The following KPNB1 variants were observed in gnomAD, a reference collection of about 807,000 sequenced individuals.
KPNB1 encodes importin subunit beta-1.
Under a neutral mutation model 113.0 loss-of-function variants are expected in KPNB1, and 7 were observed. That is an observed-to-expected ratio of 0.06 (90% confidence interval 0.04 to 0.12). The LOEUF is 0.12. Ranked by LOEUF, KPNB1 falls within the 10% of genes least tolerant of loss-of-function variation. The pLI, the probability that KPNB1 is intolerant of heterozygous loss-of-function variation, is 1.00. For missense variants in KPNB1, 400 were observed against 1,054.8 expected, an observed-to-expected ratio of 0.38 and a Z score of 8.60; for synonymous variants, 363 against 378.6, an observed-to-expected ratio of 0.96 and a Z score of 0.48.
intron 9 of KPNB1, among the ~76,000 whole-genome samples, chr17:47,667,847 C>T (rs543162606): frequency 5.9e-5 from 9 of 152,086 alleles, no homozygotes; most frequent in Admixed American, 1.3e-4. Flanking sequence ...CATGAGCCAC[C>T]GCGCCTGGCC....
chr17:47,664,521 C>T (rs1258583606), intron 8 of KPNB1, among the ~76,000 whole-genome samples: 3 of 152,116 alleles, frequency 2.0e-5, no homozygotes, highest in African/African-American at 7.2e-5. Context: ...CACAAGGGGG[C>T]AGCAGGCTGT....
rs775670592 is a variant in KPNB1 at position 47,658,672 on chromosome 17, G to C, written c.636+12G>C. 78 of 1,609,980 alleles carry C rather than the reference G, an allele frequency of 4.8e-5. No individual in the cohort carries two copies. The highest frequency in any genetic ancestry group is 2.5e-6 in the Non-Finnish European group (3 of 1,178,106). Reference sequence around the variant, plus strand: ...ACTTTGATAAAGAGGTAAGTTTTTTGACAATAAGGTATAGATTCAGACAGT... The same window carrying C: ...ACTTTGATAAAGAGGTAAGTTTTTTCACAATAAGGTATAGATTCAGACAGT... On this transcript the variant is annotated intron_variant, in intron 5 of 21. Coordinates refer to ENST00000290158, the MANE Select transcript of KPNB1 (RefSeq NM_002265.6).
chr17:47,663,862 G>A (rs1278691741), intron 7 of KPNB1, among the ~76,000 whole-genome samples: 2 of 151,952 alleles, frequency 1.3e-5, no homozygotes, highest in African/African-American at 2.4e-5. Flanking sequence ...GCATGCACTT[G>A]TGGTCCCACC....
In KPNB1 at chr17:47,672,960, A is replaced by G. The variant is rs780574753; in HGVS notation, c.1548-58A>G. The G allele has an allele frequency of 1.3e-4, 198 of 1,529,474 alleles. 1 individual carries two copies. Among genetic ancestry groups the G allele is most frequent in the Admixed American group, 7.0e-4 (34 of 48,408 alleles). 94.7% of individuals were successfully genotyped at this position (1,529,474 alleles called of 1,614,324 possible). A position where few individuals can be genotyped will look rare whatever the true frequency, so the allele number is the denominator to read the frequency against. On this transcript the variant is annotated intron_variant, in intron 12 of 21. Transcript: ENST00000290158. ...TCTTATTTTTGGCAAGACATTGTCT[A>G]TGTTCTTCCCTGTCCTTTTCATTTG...
chr17:47,661,236 C>G (rs2030084988), intron 6 of KPNB1, 58 bp downstream of exon 6: 1 of 1,259,836 alleles, frequency 7.9e-7, no homozygotes. Flanking sequence ...AATGTCAAAT[C>G]TAATATAAGT....
rs2030753749 is a variant in KPNB1, at chr17:47,681,000, A to G, written c.2630+331A>G. Among the ~76,000 whole-genome samples, 3 of 152,184 alleles carry G rather than the reference A, an allele frequency of 2.0e-5. No homozygotes were observed. In the South Asian group the frequency reaches 6.2e-4, roughly 32 times the overall value. ...TCATGCCCTATTCTTTCTTTACAGC[A>G]GTGCTTTTAGACGTTGCCTAGCTCT... On this transcript the variant is annotated intron_variant, in intron 21 of 21. Transcript: ENST00000290158.
intron 2 of KPNB1, 118 bp downstream of exon 2, chr17:47,650,562 C>CCCCCCG: frequency 1.4e-6 from 1 of 721,920 alleles, no homozygotes. Context: ...CCGTCCCCCT[C>CCCCCCG]CCCCCTCCCC....
chr17:47,659,710 G>C (rs2030031970), intron 5 of KPNB1, among the ~76,000 whole-genome samples: 1 of 152,034 alleles, frequency 6.6e-6, no homozygotes, highest in East Asian at 1.9e-4. Context: ...TATAGCAATT[G>C]GTCTGTTTCA....
Position 47,656,850 on chromosome 17 carries a change from T to C in KPNB1, c.283-10T>C. ...GAAATTTGTATCTTTTGTCTTTTTT[T>C]TTGGTGCAGGTTTTGCAGACATTGG... On this transcript the variant is annotated splice_polypyrimidine_tract_variant and intron_variant, in intron 3 of 21. Transcript: ENST00000290158. 6.3e-7 allele frequency: 1 copy of C among 1,579,544 alleles called. No individual in the cohort carries two copies. The highest frequency in any genetic ancestry group is 1.4e-5 in the African/African-American group (1 of 72,006).
In KPNB1 at chr17:47,650,072, G is replaced by C; in HGVS notation, c.-173G>C. 7.2e-7 allele frequency: 1 copy of C among 1,392,450 alleles called. No homozygotes were observed. The highest frequency in any genetic ancestry group is 2.9e-5 in the East Asian group (1 of 34,950). 86.3% of individuals were successfully genotyped at this position (1,392,450 alleles called of 1,614,324 possible). On this transcript the variant is annotated 5_prime_UTR_variant, in exon 1 of 22. Coordinates refer to ENST00000290158, the MANE Select transcript of KPNB1 (RefSeq NM_002265.6). ...GGAAGTAAGGGAAGAGGAGAGGAAG[G>C]GGAGCCGGACCGACTACCCAGACAG...
chr17:47,675,361 G>GGTTTTTTTTTTTTT (rs2030566469), intron 15 of KPNB1, among the ~76,000 whole-genome samples: 2 of 88,692 alleles, frequency 2.3e-5, no homozygotes, highest in Non-Finnish European at 4.6e-5. Flanking sequence ...CAGAGGTGTT[G>GGTTTTTTTTTTTTT]TTTTTTTTTT....
intron 2 of KPNB1, chr17:47,651,343 A>C (rs879446615): frequency 4.1e-6 from 4 of 985,248 alleles, no homozygotes; most frequent in African/African-American, 1.7e-5. Context: ...GGTCAGAGGG[A>C]AGGATTGGAT....
chr17:47,668,922 G>A (rs551600663), intron 10 of KPNB1, among the ~76,000 whole-genome samples: 27 of 151,152 alleles, frequency 1.8e-4, no homozygotes, highest in African/African-American at 4.9e-4. Context: ...ATTACAAGTC[G>A]TGCCATTGCA....
intron 6 of KPNB1, among the ~76,000 whole-genome samples, chr17:47,662,809 G>C (rs1291385176): frequency 6.6e-6 from 1 of 152,062 alleles, no homozygotes; most frequent in South Asian, 2.1e-4. Flanking sequence ...CTTGAATCGG[G>C]GAGGCAGAGG....
chr17:47,655,032 A>G (rs1352980543), intron 3 of KPNB1, among the ~76,000 whole-genome samples: 1 of 152,206 alleles, frequency 6.6e-6, no homozygotes, highest in African/African-American at 2.4e-5. Flanking sequence ...GATATACCGT[A>G]TAAGAAGGAA....
At chr17:47,672,087 C>T (rs2030466014) in intron 12 of KPNB1, among the ~76,000 whole-genome samples, 1 of 151,384 alleles carries the variant, frequency 6.6e-6, no homozygotes, top group African/African-American at 2.4e-5. Flanking sequence ...TCTTGGCTCA[C>T]TGCAACCTCC....
intron 3 of KPNB1, among the ~76,000 whole-genome samples, chr17:47,656,503 A>G (rs543455014): frequency 2.0e-5 from 3 of 151,414 alleles, no homozygotes; most frequent in Non-Finnish European, 4.4e-5. Flanking sequence ...TTTTGCTACT[A>G]CACTCCACCC....
chr17:47,675,243 G>T (rs778068369), intron 15 of KPNB1, among the ~76,000 whole-genome samples: 1 of 151,956 alleles, frequency 6.6e-6, no homozygotes, highest in Non-Finnish European at 1.5e-5. Flanking sequence ...TTTTACTGGG[G>T]CATGAGTCAC....
intron 16 of KPNB1, 141 bp from the exon 17 acceptor site, chr17:47,676,879 T>A: frequency 1.7e-6 from 1 of 581,522 alleles, no homozygotes; most frequent in Non-Finnish European, 3.1e-6. Context: ...GCCTGCCATG[T>A]TGGTTGTTGA....
Sources: allele counts gnomAD v4.1 joint callset (sites outside exome capture counted in the v4.1 genomes callset), GRCh38; gene constraint gnomAD v4.1.1; transcripts MANE v1.5; gene names NCBI Gene and HGNC (gene_info 2026-07-23, HGNC 2026-07-21).